The following ERC1 variants were observed in gnomAD, a reference collection of about 807,000 sequenced individuals.
ERC1 encodes the protein ELKS/RAB6-interacting/CAST family member 1, also known as RAB6 interacting protein 2.
ERC1 carries 56 observed loss-of-function variants against 132.0 expected under a neutral mutation model. The observed-to-expected ratio is 0.42, with a 90% CI of 0.34 to 0.53. The LOEUF is 0.53. Ranked by LOEUF, ERC1 falls within the 20% of genes least tolerant of loss-of-function variation. ERC1 has a pLI of 0.03. For missense variants in ERC1, 1,202 were observed against 1,349.9 expected (o/e 0.89, Z 1.72); for synonymous variants, 478 against 476.1 (o/e 1.00, Z -0.05).
At chr12:1,257,395 G>T (rs2076880720) in intron 13 of ERC1, among the ~76,000 whole-genome samples, 1 of 152,164 alleles carries the variant, frequency 6.6e-6, no homozygotes, top group South Asian at 2.1e-4. Context: ...AAGCTGCTAA[G>T]TTTCGAAGTA....
At chr12:1,369,121 A>G (rs1441283721) in intron 15 of ERC1, among the ~76,000 whole-genome samples, 2 of 152,258 alleles carry the variant, frequency 1.3e-5, no homozygotes, top group African/African-American at 2.4e-5. Flanking sequence ...ACTTCAAATT[A>G]TATATCTTGT....
rs899184189 is a variant in ERC1, at chr12:1,494,281, T to A, written c.*4051T>A. ...ACCCTCTGCAGAGTGAGGCCGCCCGTCCATCACTGCCAGCCCTGGGCTGCT... is the reference window on the plus strand; with the variant it reads ...ACCCTCTGCAGAGTGAGGCCGCCCGACCATCACTGCCAGCCCTGGGCTGCT... On this transcript the variant is annotated 3_prime_UTR_variant, in exon 19 of 19. Coordinates refer to ENST00000360905, the MANE Select transcript of ERC1 (RefSeq NM_178040.4). 4.3e-6 allele frequency: 1 copy of A among 232,084 alleles called. No homozygotes were observed. The highest frequency in any genetic ancestry group is 8.5e-6 in the Non-Finnish European group (1 of 117,298). 14.4% of individuals were successfully genotyped at this position (232,084 alleles called of 1,614,324 possible). A position where few individuals can be genotyped will look rare whatever the true frequency, so the allele number is the denominator to read the frequency against.
At chr12:1,028,782 C>G (rs908345195) in intron 2 of ERC1, among the ~76,000 whole-genome samples, 1 of 151,964 alleles carries the variant, frequency 6.6e-6, no homozygotes, top group Non-Finnish European at 1.5e-5. Context: ...TCTCCTTGCT[C>G]CCATTCTTGC....
At chr12:1,093,952 T>TA (rs1943605694) in intron 3 of ERC1, among the ~76,000 whole-genome samples, 6 of 61,828 alleles carry the variant, frequency 9.7e-5, no homozygotes, top group East Asian at 5.6e-4. Flanking sequence ...AATATATATA[T>TA]TTTTCTATAT....
intron 1 of ERC1, among the ~76,000 whole-genome samples, chr12:1,015,201 A>C (rs1245950373): frequency 6.6e-6 from 1 of 151,536 alleles, no homozygotes; most frequent in East Asian, 1.9e-4. Flanking sequence ...CTGGTACTAC[A>C]GGCACACACC....
At chr12:994,682 C>T (rs1423761536) in intron 1 of ERC1, among the ~76,000 whole-genome samples, 1 of 152,140 alleles carries the variant, frequency 6.6e-6, no homozygotes, top group Non-Finnish European at 1.5e-5. Context: ...ATATTAAATA[C>T]ATATTATGTA....
chr12:1,420,736 T>C (rs2092392087), intron 17 of ERC1, among the ~76,000 whole-genome samples: 1 of 152,110 alleles, frequency 6.6e-6, no homozygotes. Flanking sequence ...ATTACAGGCA[T>C]GAGCCACCAT....
chr12:1,107,814 C>T (rs946094864), intron 4 of ERC1, among the ~76,000 whole-genome samples: 1 of 152,046 alleles, frequency 6.6e-6, no homozygotes, highest in African/African-American at 2.4e-5. Flanking sequence ...AACCCTTTCC[C>T]CTGCTCCTTT....
intron 12 of ERC1, among the ~76,000 whole-genome samples, chr12:1,227,611 C>T (rs544542918): frequency 1.3e-5 from 2 of 152,248 alleles, no homozygotes; most frequent in Admixed American, 1.3e-4. Context: ...TGTCTCTTTA[C>T]TCTGTTGATT....
intron 14 of ERC1, among the ~76,000 whole-genome samples, chr12:1,268,213 A>T (rs2077594573): frequency 6.6e-6 from 1 of 152,156 alleles, no homozygotes; most frequent in South Asian, 2.1e-4. Flanking sequence ...ACTTTTAGCA[A>T]TTTATTCTTT....
intron 7 of ERC1, among the ~76,000 whole-genome samples, chr12:1,119,258 G>T (rs1233903606): frequency 2.0e-5 from 3 of 149,340 alleles, no homozygotes; most frequent in African/African-American, 7.6e-5. Flanking sequence ...GTTTTGTTTT[G>T]TTTTTTTTGT....
chr12:1,376,962 G>A (rs761341832), intron 16 of ERC1, among the ~76,000 whole-genome samples: 2 of 152,164 alleles, frequency 1.3e-5, no homozygotes, highest in African/African-American at 4.8e-5. Flanking sequence ...TCCTTGAGAT[G>A]AGATGACATC....
intron 12 of ERC1, among the ~76,000 whole-genome samples, chr12:1,211,428 G>A (rs377202305): frequency 1.3e-5 from 2 of 152,140 alleles, no homozygotes; most frequent in African/African-American, 4.8e-5. Context: ...GATTACAGGC[G>A]TGAGCCACCG....
intron 16 of ERC1, among the ~76,000 whole-genome samples, chr12:1,377,293 C>A (rs1396782546): frequency 6.6e-6 from 1 of 152,248 alleles, no homozygotes; most frequent in African/African-American, 2.4e-5. Context: ...CTTGTTGTTT[C>A]ATCGGTAAAG....
Position 1,444,645 on chromosome 12 carries a change from C to T in ERC1, c.3108C>T (p.Asp1036=). 6.2e-7 allele frequency: 1 copy of T among 1,614,094 alleles called. No individual in the cohort carries two copies. The highest frequency in any genetic ancestry group is 1.1e-5 in the South Asian group (1 of 91,084). ...GACACCTGACAACCCTCTGCCATGA[C>T]CGAGACCCCCTGATCCTCCGTGGAC... ...YIGHLTTLCH[D]RDPLILRGLT... is the part of the protein sequence containing the mutation. The change falls in exon 18 of 19, where the codon GAC becomes GAT. Residue 1036 remains aspartate (D), a synonymous_variant. Transcript: ENST00000360905.
chr12:1,022,350 A>G (rs1966510241), intron 1 of ERC1, among the ~76,000 whole-genome samples: 3 of 152,252 alleles, frequency 2.0e-5, no homozygotes, highest in South Asian at 2.1e-4. Flanking sequence ...TTGAAAAACA[A>G]ACATCTCAGA....
chr12:1,381,866 CG>C (rs1003171050), intron 16 of ERC1, among the ~76,000 whole-genome samples: 37 of 152,080 alleles, frequency 2.4e-4, no homozygotes, highest in African/African-American at 8.0e-4. Context: ...TTTTCATTCA[CG>C]TATTCATTTT....
chr12:1,137,342 C>T (rs572920015), intron 7 of ERC1, among the ~76,000 whole-genome samples: 93 of 151,460 alleles, frequency 6.1e-4, no homozygotes, highest in African/African-American at 2.2e-3. Context: ...TGTGATCTGC[C>T]CATCCTGGCC....
At chr12:1,159,578 C>CT (rs1477921459) in intron 8 of ERC1, among the ~76,000 whole-genome samples, 9 of 152,148 alleles carry the variant, frequency 5.9e-5, no homozygotes, top group African/African-American at 2.2e-4. Context: ...TAAGTCAGAT[C>CT]TTTTTTCTGC....
Sources: gnomAD v4.1 joint callset for allele counts (sites outside exome capture counted in the v4.1 genomes callset) on GRCh38, gnomAD v4.1.1 for gene constraint, MANE v1.5 for transcripts, NCBI Gene and HGNC (gene_info 2026-07-23, HGNC 2026-07-21) for gene names.